The following TYW1 variants were observed in gnomAD, a reference collection of about 807,000 sequenced individuals.
TYW1 encodes S-adenosyl-L-methionine-dependent tRNA 4-demethylwyosine synthase TYW1.
TYW1 carries 46 observed loss-of-function variants against 96.2 expected under a neutral mutation model. That is an observed-to-expected ratio of 0.48 (90% CI 0.38 to 0.61). The LOEUF is 0.61. TYW1 is among the 20% of genes least tolerant of loss of function. The pLI, the probability that TYW1 is intolerant of heterozygous loss-of-function variation, is 0.00. For missense variants in TYW1, 684 were observed against 909.6 expected (o/e 0.75, Z 3.19); for synonymous variants, 274 against 323.0 (o/e 0.85, Z 1.63).
intron 13 of TYW1, among the ~76,000 whole-genome samples, chr7:67,120,612 G>T (rs1167674183): frequency 6.6e-6 from 1 of 152,200 alleles, no homozygotes; most frequent in Non-Finnish European, 1.5e-5. Context: ...ATAAAAATTA[G>T]AATGGATTTA....
At chr7:67,157,979 A>G (rs1303238419) in intron 13 of TYW1, among the ~76,000 whole-genome samples, 1 of 152,102 alleles carries the variant, frequency 6.6e-6, no homozygotes, top group Non-Finnish European at 1.5e-5. Flanking sequence ...TTAGGGGGAA[A>G]GTATGCACTT....
chr7:67,165,692 C>T (rs373658061), intron 13 of TYW1, among the ~76,000 whole-genome samples: 3 of 152,136 alleles, frequency 2.0e-5, no homozygotes, highest in East Asian at 3.9e-4. Context: ...CTCTGGGAGG[C>T]CGAGGCAGGC....
chr7:67,158,511 G>C (rs976422271), intron 13 of TYW1, among the ~76,000 whole-genome samples: 2 of 152,174 alleles, frequency 1.3e-5, no homozygotes, highest in African/African-American at 4.8e-5. Context: ...AATTTTGAAT[G>C]TTGAACCAGC....
At chr7:67,196,664 C>A (rs1307836894) in intron 15 of TYW1, among the ~76,000 whole-genome samples, 2 of 151,336 alleles carry the variant, frequency 1.3e-5, no homozygotes, top group Non-Finnish European at 2.9e-5. Flanking sequence ...TCCCTCTAGT[C>A]CATTGATCTT....
chr7:67,200,120 A>G (rs1019405751), intron 15 of TYW1, among the ~76,000 whole-genome samples: 13 of 152,208 alleles, frequency 8.5e-5, no homozygotes, highest in African/African-American at 3.1e-4. Flanking sequence ...TGATCAGTGC[A>G]AAACCAGACA....
intron 10 of TYW1, among the ~76,000 whole-genome samples, chr7:67,068,024 C>G (rs1314131775): frequency 7.1e-6 from 1 of 140,888 alleles, no homozygotes; most frequent in Admixed American, 7.2e-5. Flanking sequence ...TTTTTCTTTT[C>G]TTTTTTTTTT....
intron 7 of TYW1, among the ~76,000 whole-genome samples, chr7:67,037,230 G>A (rs1465717896): frequency 2.0e-5 from 3 of 152,172 alleles, no homozygotes; most frequent in Non-Finnish European, 2.9e-5. Context: ...ACTCCTAGCC[G>A]GGCGCAGTGG....
At chr7:67,144,716 C>T (rs569506955) in intron 13 of TYW1, among the ~76,000 whole-genome samples, 4 of 152,248 alleles carry the variant, frequency 2.6e-5, no homozygotes, top group East Asian at 3.9e-4. Context: ...GCTATCTGCC[C>T]GGGTTGGCCT....
chr7:66,997,137 C>T (rs921066375), intron 1 of TYW1, among the ~76,000 whole-genome samples, 155 bp downstream of exon 1: 18 of 152,238 alleles, frequency 1.2e-4, no homozygotes, highest in African/African-American at 4.3e-4. Context: ...GCAAGGAGGA[C>T]TGATCCCTAC....
chr7:67,148,424 G>GTTT (rs1798676584), intron 13 of TYW1, among the ~76,000 whole-genome samples: 1 of 112,426 alleles, frequency 8.9e-6, no homozygotes, highest in African/African-American at 3.7e-5. Flanking sequence ...ACTTGAAAGT[G>GTTT]ATTTTTTTTT....
At chr7:67,131,198 A>G (rs991779715) in intron 13 of TYW1, among the ~76,000 whole-genome samples, 14 of 151,812 alleles carry the variant, frequency 9.2e-5, no homozygotes, top group African/African-American at 3.4e-4. Flanking sequence ...TGGGCAAGGG[A>G]CTCACTTTTC....
At chr7:67,231,011 C>T (rs1801736251) in intron 15 of TYW1, among the ~76,000 whole-genome samples, 1 of 152,096 alleles carries the variant, frequency 6.6e-6, no homozygotes, top group Non-Finnish European at 1.5e-5. Flanking sequence ...CTGGAACATC[C>T]TTTCCCATTC....
intron 13 of TYW1, among the ~76,000 whole-genome samples, chr7:67,146,616 G>T (rs1302935096): frequency 1.3e-5 from 2 of 152,152 alleles, no homozygotes; most frequent in East Asian, 1.9e-4. Context: ...TACAATTATA[G>T]ATACTTGTAA....
chr7:67,101,728 C>T (rs1396105842), intron 12 of TYW1, among the ~76,000 whole-genome samples: 6 of 152,044 alleles, frequency 3.9e-5, no homozygotes, highest in Admixed American at 6.6e-5. Context: ...AAACTCCTGA[C>T]CTCAAGTGAT....
intron 15 of TYW1, among the ~76,000 whole-genome samples, chr7:67,228,364 A>C (rs992428644): frequency 6.6e-6 from 1 of 152,176 alleles, no homozygotes; most frequent in Non-Finnish European, 1.5e-5. Flanking sequence ...AGATCTTGTG[A>C]GATTTATTCA....
intron 9 of TYW1, among the ~76,000 whole-genome samples, chr7:67,059,929 C>T (rs183884041): frequency 3.3e-5 from 5 of 151,702 alleles, no homozygotes; most frequent in East Asian, 3.9e-4. Context: ...TGCATCACCA[C>T]GCCTGGGTAA....
chr7:67,011,039 G>A (rs1223213400), intron 4 of TYW1, among the ~76,000 whole-genome samples: 1 of 152,030 alleles, frequency 6.6e-6, no homozygotes, highest in Non-Finnish European at 1.5e-5. Context: ...CAATGCATTA[G>A]TTAATGTCTT....
At chr7:67,053,784 T>A (rs1324578962) in intron 8 of TYW1, among the ~76,000 whole-genome samples, 1 of 152,216 alleles carries the variant, frequency 6.6e-6, no homozygotes, top group Non-Finnish European at 1.5e-5. Context: ...TGGGTAGTGT[T>A]TCTCTTGTGA....
chr7:67,179,052 T>C (rs143423073), intron 13 of TYW1, among the ~76,000 whole-genome samples: 18,705 of 123,238 alleles, frequency 0.15, 1,708 homozygotes, highest in Middle Eastern at 0.23. Flanking sequence ...GAATCTTTTA[T>C]TGAAGGGTAC....
Sources: gnomAD v4.1 joint callset for allele counts (sites outside exome capture counted in the v4.1 genomes callset) on GRCh38, gnomAD v4.1.1 for gene constraint, MANE v1.5 for transcripts, NCBI Gene and HGNC (gene_info 2026-07-23, HGNC 2026-07-21) for gene names.